The following IQGAP2 variants were observed in gnomAD, a reference collection of about 807,000 sequenced individuals.
IQGAP2 encodes IQ motif containing GTPase activating protein 2.
Under a neutral mutation model 201.3 loss-of-function variants are expected in IQGAP2, and 173 were observed. That is an observed-to-expected ratio of 0.86 (90% confidence interval 0.76 to 0.98). The LOEUF is 0.98. Ranked by LOEUF, IQGAP2 falls within the 50% of genes least tolerant of loss-of-function variation. The pLI, the probability that IQGAP2 is intolerant of heterozygous loss-of-function variation, is 0.00. For missense variants in IQGAP2, 1,687 were observed against 1,864.8 expected, an observed-to-expected ratio of 0.90 and a Z score of 1.76; for synonymous variants, 675 against 673.9, an observed-to-expected ratio of 1.00 and a Z score of -0.03.
At chr5:76,627,044 G>A (rs1158889416) in intron 13 of IQGAP2, among the ~76,000 whole-genome samples, 1 of 152,084 alleles carries the variant, frequency 6.6e-6, no homozygotes, top group East Asian at 1.9e-4. Context: ...GGAAGCCTTT[G>A]GGGAAGCTTT....
chr5:76,543,155 C>T (rs1026727364), intron 2 of IQGAP2, among the ~76,000 whole-genome samples: 1 of 152,086 alleles, frequency 6.6e-6, no homozygotes, highest in Non-Finnish European at 1.5e-5. Flanking sequence ...GAAACCCAAG[C>T]CGGCCCAGAA....
At chr5:76,590,734 A>G (rs1746588532) in intron 8 of IQGAP2, 148 bp downstream of exon 8, 1 of 655,170 alleles carries the variant, frequency 1.5e-6, no homozygotes, top group Admixed American at 3.0e-5. Context: ...AATGTAGCAT[A>G]CAAGAGGACC....
chr5:76,501,690 T>C (rs1349802811), intron 2 of IQGAP2, among the ~76,000 whole-genome samples: 1 of 134,914 alleles, frequency 7.4e-6, no homozygotes, highest in Non-Finnish European at 1.5e-5. Flanking sequence ...TCACCCAGGC[T>C]GGAGTGTAAT....
chr5:76,619,728 C>G (rs1749439245), intron 13 of IQGAP2, among the ~76,000 whole-genome samples: 1 of 151,998 alleles, frequency 6.6e-6, no homozygotes, highest in Admixed American at 6.6e-5. Context: ...CCATGTTAGC[C>G]AGGATGGTCT....
intron 5 of IQGAP2, among the ~76,000 whole-genome samples, chr5:76,577,586 CCT>C (rs1348114151): frequency 6.6e-6 from 1 of 152,174 alleles, no homozygotes; most frequent in Non-Finnish European, 1.5e-5. Flanking sequence ...TGTATAGCTG[CCT>C]CTCACTATGG....
intron 28 of IQGAP2, among the ~76,000 whole-genome samples, chr5:76,678,192 ATAG>A (rs956566435): frequency 6.6e-6 from 1 of 152,300 alleles, no homozygotes; most frequent in African/African-American, 2.4e-5. Flanking sequence ...CTACCACCCA[ATAG>A]TAGCCTTCTG....
chr5:76,463,969 T>C (rs1356903890), intron 2 of IQGAP2, among the ~76,000 whole-genome samples: 1 of 151,910 alleles, frequency 6.6e-6, no homozygotes, highest in Non-Finnish European at 1.5e-5. Flanking sequence ...TGCCTCAGCC[T>C]CCCAAGCAGC....
chr5:76,451,532 T>G (rs1214086902), intron 1 of IQGAP2, among the ~76,000 whole-genome samples: 2 of 152,216 alleles, frequency 1.3e-5, no homozygotes, highest in Non-Finnish European at 2.9e-5. Flanking sequence ...CATCTTCTGA[T>G]CACTTCCTCT....
intron 2 of IQGAP2, among the ~76,000 whole-genome samples, chr5:76,493,957 A>C (rs1756722756): frequency 6.6e-6 from 1 of 152,202 alleles, no homozygotes; most frequent in African/African-American, 2.4e-5. Flanking sequence ...TCCATGCTAT[A>C]ATGTGATGTA....
At chr5:76,664,348 C>T (rs376087709) in intron 21 of IQGAP2, among the ~76,000 whole-genome samples, 2 of 152,262 alleles carry the variant, frequency 1.3e-5, no homozygotes, top group African/African-American at 4.8e-5. Context: ...GTTCTATGGG[C>T]GTGGTTTGTG....
At chr5:76,554,721 G>T (rs571708290) in intron 2 of IQGAP2, among the ~76,000 whole-genome samples, 1 of 152,132 alleles carries the variant, frequency 6.6e-6, no homozygotes. Flanking sequence ...ATGGGAAGTG[G>T]TACAGCTGTT....
intron 2 of IQGAP2, among the ~76,000 whole-genome samples, chr5:76,485,008 T>C (rs1413646950): frequency 6.6e-6 from 1 of 152,170 alleles, no homozygotes; most frequent in African/African-American, 2.4e-5. Context: ...TTTTAATTTT[T>C]TGAAGCAACA....
intron 6 of IQGAP2, among the ~76,000 whole-genome samples, chr5:76,589,339 A>G (rs1214104791): frequency 6.6e-6 from 1 of 151,436 alleles, no homozygotes; most frequent in African/African-American, 2.4e-5. Context: ...AAAATTACCA[A>G]TACCTTTTTT....
chr5:76,445,245 G>A (rs1254183133), intron 1 of IQGAP2, among the ~76,000 whole-genome samples: 1 of 152,210 alleles, frequency 6.6e-6, no homozygotes, highest in African/African-American at 2.4e-5. Context: ...AGGTGATGGA[G>A]TTGGATACCA....
At chr5:76,695,383 C>A in intron 31 of IQGAP2, 71 bp from the exon 32 acceptor site, 1 of 1,280,922 alleles carries the variant, frequency 7.8e-7, no homozygotes, top group Non-Finnish European at 1.1e-6. Context: ...CATTAACTTG[C>A]ATTGTGTAGC....
intron 1 of IQGAP2, among the ~76,000 whole-genome samples, chr5:76,442,381 C>T (rs1197067874): frequency 6.6e-6 from 1 of 152,134 alleles, no homozygotes; most frequent in Non-Finnish European, 1.5e-5. Context: ...TAGATTATAA[C>T]ATTTTTAGGC....
chr5:76,443,241 C>G (rs1753153177), intron 1 of IQGAP2, among the ~76,000 whole-genome samples: 1 of 152,034 alleles, frequency 6.6e-6, no homozygotes, highest in Non-Finnish European at 1.5e-5. Flanking sequence ...CATTACAGAA[C>G]CTCATTTCAA....
intron 1 of IQGAP2, chr5:76,441,448 A>C (rs1238864199): frequency 2.1e-6 from 2 of 972,398 alleles, no homozygotes; most frequent in Admixed American, 1.2e-4. Flanking sequence ...TGTCTAAGTC[A>C]CGGGATATGA....
chr5:76,698,858 T>C (rs1746996362), intron 33 of IQGAP2, among the ~76,000 whole-genome samples: 1 of 152,174 alleles, frequency 6.6e-6, no homozygotes, highest in South Asian at 2.1e-4. Context: ...ATCTTTTAAA[T>C]TTTATTGCAA....
Sources: allele counts gnomAD v4.1 joint callset (sites outside exome capture counted in the v4.1 genomes callset), GRCh38; gene constraint gnomAD v4.1.1; transcripts MANE v1.5; gene names NCBI Gene and HGNC (gene_info 2026-07-23, HGNC 2026-07-21).